NAALADL2: variants seen among roughly 807,000 people sequenced by gnomAD.
The protein encoded by NAALADL2 is N-acetylated alpha-linked acidic dipeptidase like 2.
In NAALADL2, 76 loss-of-function variants were observed where a neutral mutation model predicts 87.2. The ratio of observed to expected loss-of-function variants is 0.87; its 90% confidence interval spans 0.72 to 1.05. The LOEUF is 1.05. NAALADL2 is among the 50% of genes least tolerant of loss of function. The pLI is 0.00. For synonymous variants in NAALADL2, 354 were observed against 331.0 expected (o/e 1.07, Z -0.75); for missense variants, 1,089 against 945.8 (o/e 1.15, Z -1.99).
intron 11 of NAALADL2, among the ~76,000 whole-genome samples, chr3:175,631,420 A>C (rs886711222): frequency 6.6e-6 from 1 of 151,362 alleles, no homozygotes; most frequent in African/African-American, 2.4e-5. Context: ...TGAGTCCTTG[A>C]AAGTAGCTTT....
chr3:175,397,063 G>A (rs185435501), intron 5 of NAALADL2, among the ~76,000 whole-genome samples: 1 of 152,034 alleles, frequency 6.6e-6, no homozygotes, highest in Non-Finnish European at 1.5e-5. Context: ...TTGATACTTA[G>A]TGGCATTTTC....
At chr3:175,470,659 T>A (rs1724724929) in intron 8 of NAALADL2, among the ~76,000 whole-genome samples, 2 of 152,092 alleles carry the variant, frequency 1.3e-5, no homozygotes, top group South Asian at 4.1e-4. Context: ...CCATGACAAT[T>A]ATTTGTTAAA....
intron 1 of NAALADL2, among the ~76,000 whole-genome samples, chr3:174,522,542 C>T (rs561691220): frequency 9.0e-4 from 137 of 152,174 alleles, no homozygotes; most frequent in African/African-American, 3.0e-3. Context: ...CACCTGTAGT[C>T]CCAGTTACAT....
At chr3:175,783,433 G>C (rs970303055) in intron 13 of NAALADL2, among the ~76,000 whole-genome samples, 2 of 151,182 alleles carry the variant, frequency 1.3e-5, no homozygotes, top group African/African-American at 4.9e-5. Context: ...TCCCTTGTAA[G>C]TTGGATTCCT....
intron 2 of NAALADL2, among the ~76,000 whole-genome samples, chr3:174,678,976 CT>C (rs1727287613): frequency 6.6e-6 from 1 of 151,992 alleles, no homozygotes; most frequent in South Asian, 2.1e-4. Context: ...TCTTTTTGTT[CT>C]GCAGATAGTA....
At chr3:175,141,084 G>A (rs970655349) in intron 2 of NAALADL2, among the ~76,000 whole-genome samples, 1 of 152,122 alleles carries the variant, frequency 6.6e-6, no homozygotes, top group Non-Finnish European at 1.5e-5. Flanking sequence ...AGATATGGAT[G>A]TACACCAGAT....
intron 5 of NAALADL2, among the ~76,000 whole-genome samples, chr3:175,355,417 A>G (rs986200467): frequency 6.6e-6 from 1 of 152,146 alleles, no homozygotes; most frequent in Non-Finnish European, 1.5e-5. Flanking sequence ...TGTTCAAGCA[A>G]TCAACCAGCA....
intron 3 of NAALADL2, among the ~76,000 whole-genome samples, chr3:175,246,429 TAGAG>T (rs1428186708): frequency 1.3e-5 from 2 of 152,076 alleles, no homozygotes; most frequent in Non-Finnish European, 2.9e-5. Flanking sequence ...GAGTCTCTCT[TAGAG>T]AACGAGAAAG....
chr3:175,788,733 G>T (rs114240709), intron 13 of NAALADL2, among the ~76,000 whole-genome samples: 1 of 152,188 alleles, frequency 6.6e-6, no homozygotes, highest in Non-Finnish European at 1.5e-5. Flanking sequence ...GTCATGGCTA[G>T]ATGGTCACAT....
intron 5 of NAALADL2, among the ~76,000 whole-genome samples, chr3:175,430,506 A>G (rs1717572319): frequency 6.6e-6 from 1 of 151,992 alleles, no homozygotes; most frequent in South Asian, 2.1e-4. Flanking sequence ...CTTTCATATT[A>G]TTAACTAAAT....
chr3:175,340,546 C>A (rs1451114743), intron 5 of NAALADL2, among the ~76,000 whole-genome samples: 1 of 152,108 alleles, frequency 6.6e-6, no homozygotes, highest in Non-Finnish European at 1.5e-5. Flanking sequence ...GCTCCTTGTC[C>A]CCTTCTCAGT....
At chr3:174,781,187 C>A (rs1715937319) in intron 3 of NAALADL2, among the ~76,000 whole-genome samples, 1 of 152,030 alleles carries the variant, frequency 6.6e-6, no homozygotes, top group South Asian at 2.1e-4. Context: ...GTAACCCGAC[C>A]TTTCTCTCTG....
chr3:175,590,211 AATATATATATATATAT>A (rs66991809), intron 10 of NAALADL2, among the ~76,000 whole-genome samples: 5 of 5,960 alleles, frequency 8.4e-4, no homozygotes, highest in African/African-American at 4.1e-3. Context: ...GACTCCGTCT[AATATATATATATATAT>A]ATATATATAT....
At chr3:174,873,197 CTG>C (rs1728059945) in intron 1 of NAALADL2, among the ~76,000 whole-genome samples, 1 of 138,120 alleles carries the variant, frequency 7.2e-6, no homozygotes, top group African/African-American at 3.1e-5. Context: ...CTCTCTCTGT[CTG>C]TCTCTCTCTC....
chr3:174,461,907 C>T (rs1716236193), intron 1 of NAALADL2, among the ~76,000 whole-genome samples: 1 of 151,982 alleles, frequency 6.6e-6, no homozygotes, highest in African/African-American at 2.4e-5. Context: ...CTTTTAAACA[C>T]AAGTAACTTA....
chr3:175,351,414 A>G (rs1247373294), intron 5 of NAALADL2, among the ~76,000 whole-genome samples: 1 of 152,060 alleles, frequency 6.6e-6, no homozygotes, highest in African/African-American at 2.4e-5. Context: ...TGATAACATT[A>G]TATGTATGTA....
chr3:174,539,252 A>G (rs1722004099), intron 1 of NAALADL2, among the ~76,000 whole-genome samples: 1 of 152,302 alleles, frequency 6.6e-6, no homozygotes, highest in African/African-American at 2.4e-5. Flanking sequence ...ATACATTACA[A>G]AAGCTTTCTT....
At chr3:174,832,799 C>T (rs1722885382) in intron 3 of NAALADL2, among the ~76,000 whole-genome samples, 1 of 152,090 alleles carries the variant, frequency 6.6e-6, no homozygotes, top group African/African-American at 2.4e-5. Flanking sequence ...AGAATTGAAG[C>T]TTAGAGAAAT....
intron 2 of NAALADL2, among the ~76,000 whole-genome samples, chr3:174,639,086 G>A (rs9882722): frequency 0.22 from 32,911 of 152,010 alleles, 4,193 homozygotes; most frequent in African/African-American, 0.34. Flanking sequence ...TGGGTAATGA[G>A]TTCTGTACCT....
Sources: allele counts gnomAD v4.1 joint callset (sites outside exome capture counted in the v4.1 genomes callset), GRCh38; gene constraint gnomAD v4.1.1; transcripts MANE v1.5; gene names NCBI Gene and HGNC (gene_info 2026-07-23, HGNC 2026-07-21).